The following NUP93 variants were observed in gnomAD, a reference collection of about 807,000 sequenced individuals.
The protein encoded by NUP93 is nucleoporin 93.
In NUP93, 55 loss-of-function variants were observed where a neutral mutation model predicts 107.8. The observed-to-expected ratio is 0.51, with a 90% CI of 0.41 to 0.64. NUP93 has a LOEUF of 0.64. NUP93 is among the 30% of genes least tolerant of loss of function. NUP93 has a pLI of 0.00. For synonymous variants in NUP93, 390 were observed against 397.5 expected (o/e 0.98, Z 0.22); for missense variants, 937 against 1,044.7 (o/e 0.90, Z 1.42).
At chr16:56,782,233 T>A (rs1415851772) in intron 3 of NUP93, 1 of 985,034 alleles carries the variant, frequency 1.0e-6, no homozygotes, top group Admixed American at 6.2e-5. Flanking sequence ...GGCCGTGTTT[T>A]GTAAAGAAAT....
chr16:56,800,184 A>G (rs4783959), intron 4 of NUP93, among the ~76,000 whole-genome samples: 63,338 of 152,050 alleles, frequency 0.42, 13,378 homozygotes, highest in East Asian at 0.61. Context: ...CTCTGTCTCA[A>G]AAAAATAAAT....
chr16:56,848,797 G>T lies in NUP93; in HGVS notation c.*4188G>T, dbSNP rs1266661060. 1.3e-5 allele frequency: 2 copies of T among 152,206 alleles called. No individual in the cohort carries two copies. The highest frequency in any genetic ancestry group is 4.8e-5 in the African/African-American group (2 of 41,442). The allele number at this position is 152,206 out of a possible 1,614,324, so 9.4% of individuals were successfully genotyped here. A position where few individuals can be genotyped will look rare whatever the true frequency, so the allele number is the denominator to read the frequency against. ...ATTTCAAAACCTCTTTGTGTGCTGG[G>T]CCGTGCTAGGTAGCTGGAATATCTG... On this transcript the variant is annotated 3_prime_UTR_variant, in exon 22 of 22. Coordinates refer to ENST00000308159, the MANE Select transcript of NUP93 (RefSeq NM_014669.5).
At chr16:56,810,521 A>G (rs1963289862) in intron 5 of NUP93, among the ~76,000 whole-genome samples, 1 of 152,032 alleles carries the variant, frequency 6.6e-6, no homozygotes, top group South Asian at 2.1e-4. Context: ...AGTCTGGGCT[A>G]CTCAAGAGCC....
chr16:56,791,845 T>C (rs1567390253), intron 3 of NUP93, among the ~76,000 whole-genome samples: 1 of 152,214 alleles, frequency 6.6e-6, no homozygotes, highest in Admixed American at 6.5e-5. Context: ...GCATTTATTG[T>C]TCTACAACAA....
Position 56,834,779 on chromosome 16 carries a change from G to A in NUP93, c.1782+1G>A, listed in dbSNP as rs1963877282. 1.2e-6 allele frequency: 2 copies of A among 1,607,538 alleles called. No individual in the cohort carries two copies. Among genetic ancestry groups the A allele is most frequent in the Admixed American group, 1.7e-5 (1 of 59,788 alleles). On this transcript the variant is annotated splice_donor_variant, in intron 16 of 21. Transcript: ENST00000308159. LOFTEE classifies it high-confidence loss of function. ...ACTAGAGAATGACGGAAGTAGAAAG[G>A]TGAGTTAAATGCATCCTTAGAGAAA...
At chr16:56,797,849 A>G (rs1962934454) in intron 3 of NUP93, among the ~76,000 whole-genome samples, 1 of 152,214 alleles carries the variant, frequency 6.6e-6, no homozygotes, top group Admixed American at 6.5e-5. Context: ...CCTTTTGGCC[A>G]TTGTGTTACA....
At chr16:56,827,025 A>T (rs1963676234) in intron 8 of NUP93, among the ~76,000 whole-genome samples, 1 of 125,724 alleles carries the variant, frequency 8.0e-6, no homozygotes, top group African/African-American at 3.1e-5. Flanking sequence ...CAACCTGGGG[A>T]TGGAATGAGA....
At chr16:56,733,203 G>T (rs1048557529) in intron 1 of NUP93, among the ~76,000 whole-genome samples, 1 of 152,212 alleles carries the variant, frequency 6.6e-6, no homozygotes, top group East Asian at 1.9e-4. Context: ...AAGGGTGGCA[G>T]TGTCTGTTCT....
At chr16:56,746,003 CTTTT>C (rs1961815046) in intron 1 of NUP93, among the ~76,000 whole-genome samples, 1 of 152,138 alleles carries the variant, frequency 6.6e-6, no homozygotes, top group Non-Finnish European at 1.5e-5. Flanking sequence ...CTTCCTTTAT[CTTTT>C]TTTGTCTTCT....
At chr16:56,834,102 G>A in intron 13 of NUP93, 26 bp from the exon 14 acceptor site, 7 of 1,613,524 alleles carry the variant, frequency 4.3e-6, no homozygotes, top group Non-Finnish European at 5.9e-6. Context: ...GTGTGGTTGT[G>A]ACCCATTCTG....
rs546426628 is a variant in NUP93 at position 56,805,524 on chromosome 16, G to T, written c.381G>T (p.Glu127Asp). The T allele has an allele frequency of 1.9e-6, 3 of 1,614,078 alleles. No homozygotes were observed. Among genetic ancestry groups the T allele is most frequent in the Non-Finnish European group, 8.5e-7 (1 of 1,180,000 alleles). The change falls in exon 5 of 22, where the codon GAG (glutamate) becomes GAT (aspartate). Residue 127 changes from glutamate to aspartate, a missense_variant. Transcript: ENST00000308159. Reference protein sequence around the residue: ...SRKRTFGMAEEYHRESMLVEW... With the variant: ...SRKRTFGMAEDYHRESMLVEW... ...GGCAGACCTTCGGCATGGCTGAGGAGTACCATCGGGAGTCAATGTTGGTTG... is the reference window on the plus strand; with the variant it reads ...GGCAGACCTTCGGCATGGCTGAGGATTACCATCGGGAGTCAATGTTGGTTG...
intron 3 of NUP93, chr16:56,783,419 T>C: frequency 7.4e-6 from 7 of 951,382 alleles, no homozygotes; most frequent in Non-Finnish European, 8.8e-6. Context: ...GATTTACCCA[T>C]GACTAAGATT....
At chr16:56,798,565 G>T in intron 4 of NUP93, 27 bp downstream of exon 4, 2 of 1,590,518 alleles carry the variant, frequency 1.3e-6, no homozygotes, top group Non-Finnish European at 1.7e-6. Flanking sequence ...AAATGTAGAT[G>T]TATACAGATG....
At chr16:56,811,535 G>A (rs1963315745) in intron 5 of NUP93, among the ~76,000 whole-genome samples, 1 of 151,248 alleles carries the variant, frequency 6.6e-6, no homozygotes, top group East Asian at 1.9e-4. Flanking sequence ...TTTTGAAACA[G>A]AGTCTCACTC....
intron 1 of NUP93, among the ~76,000 whole-genome samples, chr16:56,739,612 C>T (rs1961677283): frequency 8.7e-6 from 1 of 115,094 alleles, no homozygotes; most frequent in Admixed American, 8.1e-5. Flanking sequence ...GGGCGGCTGG[C>T]CGGGCGGGGG....
Position 56,805,630 on chromosome 16 carries a change from G to C in NUP93, c.487G>C (p.Glu163Gln). The C allele has an allele frequency of 6.2e-7, 1 of 1,612,990 alleles. No individual in the cohort carries two copies. The highest frequency in any genetic ancestry group is 8.5e-7 in the Non-Finnish European group (1 of 1,179,154). Residue 163 changes from glutamate to glutamine, a missense_variant and splice_region_variant, in exon 5 of 22, where the codon GAG (glutamate) becomes CAG (glutamine). Coordinates refer to ENST00000308159, the MANE Select transcript of NUP93 (RefSeq NM_014669.5). ...CGCCCTTGACTTTACTCAAGAAAGC[G>C]AGGTAGCTTGAATGCAAAAGATAAA... Reference protein sequence around the residue: ...EDALDFTQESEPSYISDVGPP... With the variant: ...EDALDFTQESQPSYISDVGPP...
intron 2 of NUP93, among the ~76,000 whole-genome samples, chr16:56,758,335 A>T (rs1326676985): frequency 1.3e-5 from 2 of 152,194 alleles, no homozygotes; most frequent in Non-Finnish European, 2.9e-5. Context: ...TGAATCTGTT[A>T]CTACAAAGTA....
chr16:56,753,246 G>A (rs1961956521), intron 2 of NUP93, among the ~76,000 whole-genome samples: 1 of 152,150 alleles, frequency 6.6e-6, no homozygotes, highest in African/African-American at 2.4e-5. Context: ...ATGGGTCTAA[G>A]CAATCATCAT....
Position 56,839,558 on chromosome 16 carries a change from A to C in NUP93, c.2174A>C (p.Glu725Ala), listed in dbSNP as rs1019115653. The part of the protein sequence containing the change: ...ERLKLVPLNQ[E>A]SVEERVAAFR... The stretch of plus-strand genomic sequence containing the variant: ...TTGAAGCTGGTGCCCCTGAATCAGG[A>C]AAGTGTGGAAGAGAGAGTGGCTGCC... The change falls in exon 20 of 22, where the codon GAA (glutamate) becomes GCA (alanine). Residue 725 changes from glutamate (E) to alanine (A), a missense_variant. By Grantham distance (107) the Glu-to-Ala change is moderately radical. Coordinates refer to ENST00000308159, the MANE Select transcript of NUP93 (RefSeq NM_014669.5). 1 of 1,613,846 alleles carries C rather than the reference A, an allele frequency of 6.2e-7. No homozygotes were observed. The highest frequency in any genetic ancestry group is 8.5e-7 in the Non-Finnish European group (1 of 1,179,900).
Sources: allele counts gnomAD v4.1 joint callset (sites outside exome capture counted in the v4.1 genomes callset), GRCh38; gene constraint gnomAD v4.1.1; transcripts MANE v1.5; gene names NCBI Gene and HGNC (gene_info 2026-07-23, HGNC 2026-07-21).